The following SNX25 variants were observed in gnomAD, a reference collection of about 807,000 sequenced individuals.
SNX25 encodes sorting nexin-25.
SNX25 carries 62 observed loss-of-function variants against 113.7 expected under a neutral mutation model. The observed-to-expected ratio is 0.55, with a 90% CI of 0.44 to 0.67. The LOEUF (loss-of-function observed/expected upper bound fraction) is 0.67. Ranked by LOEUF, SNX25 falls within the 30% of genes least tolerant of loss-of-function variation. The pLI is 0.00. For missense variants in SNX25, 1,014 were observed against 1,161.0 expected, an observed-to-expected ratio of 0.87 and a Z score of 1.84; for synonymous variants, 421 against 436.2, an observed-to-expected ratio of 0.97 and a Z score of 0.43.
intron 7 of SNX25, among the ~76,000 whole-genome samples, chr4:185,312,313 T>G (rs910193172): frequency 6.6e-6 from 1 of 152,144 alleles, no homozygotes; most frequent in Non-Finnish European, 1.5e-5. Flanking sequence ...CCAGTAGAGA[T>G]ATGAGATAAA....
intron 5 of SNX25, among the ~76,000 whole-genome samples, chr4:185,279,276 T>A (rs1395789897): frequency 6.6e-6 from 1 of 152,136 alleles, no homozygotes; most frequent in Non-Finnish European, 1.5e-5. Context: ...ACTCAAATAG[T>A]GTTGTAGGTA....
chr4:185,292,467 C>T (rs1198613633), intron 6 of SNX25, among the ~76,000 whole-genome samples: 2 of 152,098 alleles, frequency 1.3e-5, no homozygotes, highest in Non-Finnish European at 2.9e-5. Context: ...GACACAATCT[C>T]GGCTCACTGC....
intron 11 of SNX25, among the ~76,000 whole-genome samples, chr4:185,369,506 A>C (rs2095407543): frequency 6.6e-6 from 1 of 152,142 alleles, no homozygotes; most frequent in Non-Finnish European, 1.5e-5. Context: ...AGCCTCCCGA[A>C]GTGCTGGGAT....
chr4:185,375,062 A>G (rs2095428708), downstream of SNX25, among the ~76,000 whole-genome samples: 1 of 151,860 alleles, frequency 6.6e-6, no homozygotes, highest in Admixed American at 6.6e-5. Context: ...TCAGACACAA[A>G]CCTTCAAACA....
intron 3 of SNX25, among the ~76,000 whole-genome samples, chr4:185,262,599 CT>C (rs1747481087): frequency 6.6e-6 from 1 of 152,252 alleles, no homozygotes; most frequent in South Asian, 2.1e-4. Flanking sequence ...CTTTTATTAC[CT>C]CTGTGACTTT....
At chr4:185,368,816 T>TG (rs1175317737), downstream of SNX25, among the ~76,000 whole-genome samples, 1 of 145,390 alleles carries the variant, frequency 6.9e-6, no homozygotes, top group African/African-American at 2.6e-5. Context: ...TTTTTTGAGA[T>TG]GGAGTCTCAC....
At position 185,351,551 on chromosome 4, in the gene SNX25, C is replaced by A. The variant is rs779512162; in HGVS notation, c.2408C>A (p.Ser803Tyr). Residue 803 changes from serine to tyrosine, a missense_variant, in exon 14 of 19, where the codon TCT (serine) becomes TAT (tyrosine). Coordinates refer to ENST00000652585, the MANE Select transcript of SNX25 (RefSeq NM_001378034.2). ...ATCGACGTGCAGGGGAAAAAAAATT[C>A]TTTTTCATTATCCTCATTTTTGGAA... Reference protein sequence around the residue: ...KVIDVQGKKNSFSLSSFLERL... With the variant: ...KVIDVQGKKNYFSLSSFLERL... 24 of 1,613,968 alleles carry A rather than the reference C, an allele frequency of 1.5e-5. No homozygotes were observed. In the East Asian group the frequency reaches 2.0e-4, roughly 13 times the overall value.
intron 1 of SNX25, among the ~76,000 whole-genome samples, chr4:185,245,179 C>T (rs1437287737): frequency 2.0e-5 from 3 of 151,368 alleles, no homozygotes; most frequent in Non-Finnish European, 4.4e-5. Flanking sequence ...TTCTTTTTTT[C>T]GTTCCAAACC....
rs553779792 is a variant in SNX25, at chr4:185,266,193, C to T, written c.905-776C>T. 5.3e-5 allele frequency among the ~76,000 whole-genome samples: 8 copies of T among 152,180 alleles called. No homozygotes were observed. In the South Asian group the frequency reaches 1.7e-3, roughly 32 times the overall value. ...TTCTAATCTCAAGTTACAAGGATGGCTTTGTAATAGTGTCATTGACTTTTT... is the reference window on the plus strand; with the variant it reads ...TTCTAATCTCAAGTTACAAGGATGGTTTTGTAATAGTGTCATTGACTTTTT... On this transcript the variant is annotated intron_variant, in intron 4 of 18. Coordinates refer to ENST00000652585, the MANE Select transcript of SNX25 (RefSeq NM_001378034.2).
rs1754390095 is a variant in SNX25, at chr4:185,305,846, C to T, written c.1163-4789C>T. Among the ~76,000 whole-genome samples, 7 of 152,226 alleles carry T rather than the reference C, an allele frequency of 4.6e-5. 1 individual carries two copies. In the Middle Eastern group the frequency reaches 0.017, roughly 370 times the overall value. On this transcript the variant is annotated intron_variant, in intron 6 of 18. Transcript: ENST00000652585. ...TATTATAGGTTAGTGCGAAAGTAAT[C>T]ACTTTTTTTGCCATTAAAAGTAATG... is the stretch of plus-strand genomic sequence containing the variant.
Position 185,277,943 on chromosome 4 carries a change from G to A in SNX25, c.1092-10069G>A, listed in dbSNP as rs1475508157. Among the ~76,000 whole-genome samples the A allele has an allele frequency of 6.5e-4, 32 of 49,180 alleles. 9 individuals carry two copies. The highest frequency in any genetic ancestry group is 0.014 in the Middle Eastern group (2 of 138). The allele number at this position is 49,180 out of a possible 152,430, so 32.3% of individuals were successfully genotyped here. A position where few individuals can be genotyped will look rare whatever the true frequency, so the allele number is the denominator to read the frequency against. The stretch of plus-strand genomic sequence containing the variant: ...GAGACGGGGTTTCACCGTTTTAGCC[G>A]GGATGGTCTCGATCTCCTGACCTCG... On this transcript the variant is annotated intron_variant, in intron 5 of 18. Transcript: ENST00000652585.
intron 1 of SNX25, among the ~76,000 whole-genome samples, chr4:185,220,405 T>C (rs1246870302): frequency 6.6e-6 from 1 of 152,018 alleles, no homozygotes; most frequent in African/African-American, 2.4e-5. Context: ...TAGCATTAGG[T>C]ATATCTCCTA....
chr4:185,234,787 T>C (rs527667048), intron 1 of SNX25, among the ~76,000 whole-genome samples: 4 of 152,350 alleles, frequency 2.6e-5, no homozygotes, highest in Admixed American at 2.0e-4. Context: ...TATGTGCATA[T>C]TATCCTTCTT....
At chr4:185,367,841 G>A (rs993555983), downstream of SNX25, among the ~76,000 whole-genome samples, 2 of 152,128 alleles carry the variant, frequency 1.3e-5, no homozygotes, top group African/African-American at 4.8e-5. Flanking sequence ...CACCTTCAGA[G>A]AAAACTTGTG....
intron 10 of SNX25, among the ~76,000 whole-genome samples, 200 bp from the exon 11 acceptor site, chr4:185,339,175 GCTTC>G (rs2095247619): frequency 6.6e-6 from 1 of 151,834 alleles, no homozygotes; most frequent in South Asian, 2.1e-4. Context: ...GAATTATTTC[GCTTC>G]CTTGTTTACA....
At chr4:185,304,515 GC>G (rs1317979441) in intron 6 of SNX25, among the ~76,000 whole-genome samples, 1 of 152,050 alleles carries the variant, frequency 6.6e-6, no homozygotes, top group Non-Finnish European at 1.5e-5. Context: ...GCGCCACCAT[GC>G]CCGGCTAATT....
chr4:185,368,246 G>A (rs2095398427), downstream of SNX25, among the ~76,000 whole-genome samples: 1 of 152,202 alleles, frequency 6.6e-6, no homozygotes, highest in South Asian at 2.1e-4. Flanking sequence ...TCCTCGAAGG[G>A]TCCTAACAGA....
intron 6 of SNX25, 68 bp from the exon 7 acceptor site, chr4:185,310,567 G>A (rs1176214470): frequency 2.6e-5 from 37 of 1,444,438 alleles, no homozygotes; most frequent in Admixed American, 1.6e-4. Context: ...CACTGATCTG[G>A]TTCTGAATTG....
chr4:185,355,305 T>C (rs1276782128), intron 15 of SNX25, among the ~76,000 whole-genome samples: 2 of 152,088 alleles, frequency 1.3e-5, no homozygotes, highest in African/African-American at 4.8e-5. Context: ...AGAGAATATA[T>C]AATGTCAATC....
Sources: allele counts gnomAD v4.1 joint callset (sites outside exome capture counted in the v4.1 genomes callset), GRCh38; gene constraint gnomAD v4.1.1; transcripts MANE v1.5; gene names NCBI Gene and HGNC (gene_info 2026-07-23, HGNC 2026-07-21).